UGT2A1: variants seen among roughly 807,000 people sequenced by gnomAD.
UGT2A1 encodes UDP glucuronosyltransferase family 2 member A1 complex locus.
A neutral mutation model predicts 45.4 loss-of-function variants in UGT2A1; 61 were observed. The observed-to-expected ratio is 1.34, with a 90% CI of 1.09 to 1.66. The LOEUF (loss-of-function observed/expected upper bound fraction) is 1.66. Ranked by LOEUF, UGT2A1 falls within the 40% of genes most tolerant of loss-of-function variation. The pLI, the probability that UGT2A1 is intolerant of heterozygous loss-of-function variation, is 0.00. For synonymous variants in UGT2A1, 229 were observed against 196.2 expected (o/e 1.17, Z -1.40); for missense variants, 649 against 574.3 (o/e 1.13, Z -1.33).
At chr4:69,599,549 G>T (rs918609605) in intron 3 of UGT2A1, 155 bp from the exon 4 acceptor site, 39 of 1,076,172 alleles carry the variant, frequency 3.6e-5, no homozygotes, top group Non-Finnish European at 4.4e-5. Context: ...AGAAGAAGGA[G>T]AAATTAAAGA....
intron 2 of UGT2A1, among the ~76,000 whole-genome samples, chr4:69,644,988 T>A (rs1206430193): frequency 2.0e-5 from 3 of 151,824 alleles, no homozygotes; most frequent in African/African-American, 7.2e-5. Context: ...CTTTTTCTTT[T>A]GCCAACATTC....
intron 3 of UGT2A1, among the ~76,000 whole-genome samples, chr4:69,610,689 G>A (rs1288960071): frequency 6.6e-6 from 1 of 152,142 alleles, no homozygotes; most frequent in East Asian, 1.9e-4. Flanking sequence ...TCCAAGAAGA[G>A]GAAGTGACAC....
At chr4:69,628,277 G>A (rs1175949410) in intron 3 of UGT2A1, among the ~76,000 whole-genome samples, 2 of 131,168 alleles carry the variant, frequency 1.5e-5, no homozygotes, top group Non-Finnish European at 3.3e-5. Context: ...AATTTATATG[G>A]AGCCACAAAA....
At chr4:69,639,030 G>T in intron 2 of UGT2A1, 2 of 1,613,324 alleles carry the variant, frequency 1.2e-6, no homozygotes, top group Admixed American at 1.7e-5. Context: ...TGATAAGGCT[G>T]CCGGTACATA....
chr4:69,619,915 T>C (rs1210192992), intron 3 of UGT2A1, among the ~76,000 whole-genome samples: 1 of 151,918 alleles, frequency 6.6e-6, no homozygotes, highest in Admixed American at 6.6e-5. Flanking sequence ...ATTACCTCAA[T>C]AGGCACACAA....
chr4:69,649,846 G>A (rs111973069), intron 1 of UGT2A1, among the ~76,000 whole-genome samples: 38 of 152,164 alleles, frequency 2.5e-4, no homozygotes, highest in African/African-American at 8.9e-4. Flanking sequence ...GTCTGTAATG[G>A]AAAAGTCCAT....
chr4:69,611,536 A>T (rs1290335053), intron 3 of UGT2A1, among the ~76,000 whole-genome samples: 2 of 152,134 alleles, frequency 1.3e-5, no homozygotes, highest in Non-Finnish European at 2.9e-5. Context: ...GCTACATGAT[A>T]TAGCTCAGAG....
chr4:69,589,144 G>T lies in UGT2A1; in HGVS notation c.*228C>A. The T allele has an allele frequency of 7.1e-6, 3 of 423,134 alleles. No homozygotes were observed. Among genetic ancestry groups the T allele is most frequent in the Non-Finnish European group, 1.2e-5 (3 of 256,016 alleles). 26.2% of individuals were successfully genotyped at this position (423,134 alleles called of 1,614,324 possible). A position where few individuals can be genotyped will look rare whatever the true frequency, so the allele number is the denominator to read the frequency against. On this transcript the variant is annotated 3_prime_UTR_variant, in exon 7 of 7. Coordinates refer to ENST00000286604, the MANE Select transcript of UGT2A1 (RefSeq NM_001252275.3). ...AAGTGACAGGAAGAGGGTATAGTCAGCAGGGAGAGACAAAGGAAAAATAGA... is the reference window on the plus strand; with the variant it reads ...AAGTGACAGGAAGAGGGTATAGTCATCAGGGAGAGACAAAGGAAAAATAGA...
At chr4:69,613,780 C>T (rs769655643) in intron 3 of UGT2A1, among the ~76,000 whole-genome samples, 2 of 151,932 alleles carry the variant, frequency 1.3e-5, no homozygotes, top group African/African-American at 4.8e-5. Flanking sequence ...AACATCTCTT[C>T]ATGATTAAAA....
In UGT2A1 at chr4:69,589,099, G is replaced by T. The variant is rs1718427746; in HGVS notation, c.*273C>A. On this transcript the variant is annotated 3_prime_UTR_variant, in exon 7 of 7. Transcript: ENST00000286604. ...ATGAATAGAACATATTTAAAATTAG[G>T]TAGTATCCTTGTGTCAGAAAAGTGA... The T allele has an allele frequency of 3.6e-6, 1 of 277,780 alleles. No homozygotes were observed. The highest frequency in any genetic ancestry group is 6.9e-5 in the East Asian group (1 of 14,490). 17.2% of individuals were successfully genotyped at this position (277,780 alleles called of 1,614,324 possible). A position where few individuals can be genotyped will look rare whatever the true frequency, so the allele number is the denominator to read the frequency against.
At chr4:69,627,254 A>C (rs60032794) in intron 3 of UGT2A1, among the ~76,000 whole-genome samples, 285 of 151,886 alleles carry the variant, frequency 1.9e-3, no homozygotes, top group African/African-American at 6.6e-3. Context: ...TTTGTTTTGG[A>C]ATTACTCAGA....
rs978989074 is a variant in UGT2A1 at position 69,647,523 on chromosome 4, T to C, written c.122A>G (p.Asp41Gly). The C allele has an allele frequency of 1.2e-6, 2 of 1,612,896 alleles. No individual in the cohort carries two copies. The highest frequency in any genetic ancestry group is 2.7e-5 in the African/African-American group (2 of 75,006). ...ATTATGCTCCTTTTTAATGAGCTCATCTATAATTATCTTAACATTTAGCCA... is the reference window on the plus strand; with the variant it reads ...ATTATGCTCCTTTTTAATGAGCTCACCTATAATTATCTTAACATTTAGCCA... ...SHWLNVKIII[D>G]ELIKKEHNVT... The change falls in exon 2 of 7, where the codon GAT becomes GGT. Residue 41 changes from aspartate to glycine, a missense_variant. Asp to Gly is a moderately conservative substitution (Grantham distance 94). Coordinates refer to ENST00000286604, the MANE Select transcript of UGT2A1 (RefSeq NM_001252275.3).
rs1230783750 is a variant in UGT2A1 at position 69,594,605 on chromosome 4, G to A, written c.1176C>T (p.Pro392=). ...IYHGVPMVGV[P]MFADQPDNIA... is the part of the protein sequence containing the mutation. ...TGTTATCAGGCTGATCAGCAAACAT[G>A]GGAACTCCCACCATAGGGACTCCGT... Residue 392 remains proline, a synonymous_variant, in exon 6 of 7, where the codon CCC becomes CCT. Coordinates refer to ENST00000286604, the MANE Select transcript of UGT2A1 (RefSeq NM_001252275.3). 2.5e-6 allele frequency: 4 copies of A among 1,614,106 alleles called. No homozygotes were observed. The South Asian group carries it at 3.3e-5, about 13-fold the overall frequency.
intron 3 of UGT2A1, among the ~76,000 whole-genome samples, chr4:69,627,462 AAGCAGGCAGGCAGGCAGG>A (rs2109948393): frequency 1.6e-5 from 1 of 64,390 alleles, no homozygotes; most frequent in African/African-American, 7.5e-5. Context: ...GCAGACAGGC[AAGCAGGCAGGCAGGCAGG>A]CAGGCAGGCA....
intron 3 of UGT2A1, among the ~76,000 whole-genome samples, chr4:69,610,481 C>A (rs17147503): frequency 0.013 from 2,012 of 152,038 alleles, 45 homozygotes; most frequent in African/African-American, 0.046. Context: ...ACTTATGAAC[C>A]AATTAATATT....
chr4:69,647,212 C>A lies in UGT2A1; in HGVS notation c.433G>T (p.Glu145Ter), dbSNP rs750642989. The change falls in exon 2 of 7, where the codon GAA becomes TAA. Residue 145 changes from glutamate to a stop codon, truncating the protein, a stop_gained. Transcript: ENST00000286604. LOFTEE classifies it high-confidence loss of function. ...AATACTGGATCAGACACCAGGACTT[C>A]AAACTTGCTTTTCTTTAGCTTTGCC... ...LMAKLKKSKF[E>*]VLVSDPVFPC... The A allele has an allele frequency of 6.2e-7, 1 of 1,613,306 alleles. No individual in the cohort carries two copies. Among genetic ancestry groups the A allele is most frequent in the South Asian group, 1.1e-5 (1 of 91,044 alleles).
intron 3 of UGT2A1, among the ~76,000 whole-genome samples, chr4:69,619,834 C>T (rs1446770965): frequency 6.6e-6 from 1 of 151,988 alleles, no homozygotes; most frequent in Non-Finnish European, 1.5e-5. Context: ...CTGCAGAAGG[C>T]AAGATTGGTT....
intron 2 of UGT2A1, chr4:69,639,370 T>C: frequency 6.2e-7 from 1 of 1,613,704 alleles, no homozygotes; most frequent in Non-Finnish European, 8.5e-7. Flanking sequence ...GAATCTATAT[T>C]GCTCTTCTTG....
intron 3 of UGT2A1, among the ~76,000 whole-genome samples, chr4:69,625,448 G>C (rs969961195): frequency 2.0e-5 from 3 of 150,958 alleles, no homozygotes; most frequent in Admixed American, 6.6e-5. Flanking sequence ...GTGGGGAAGG[G>C]AGAAGTGATT....
Sources: gnomAD v4.1 joint callset for allele counts (sites outside exome capture counted in the v4.1 genomes callset) on GRCh38, gnomAD v4.1.1 for gene constraint, MANE v1.5 for transcripts, NCBI Gene and HGNC (gene_info 2026-07-23, HGNC 2026-07-21) for gene names.